Variants in PPCDC observed in about 807,000 individuals in gnomAD.
PPCDC encodes phosphopantothenoylcysteine decarboxylase.
In PPCDC, 20 loss-of-function variants were observed where a neutral mutation model predicts 20.7. The observed-to-expected ratio is 0.97, with a 90% CI of 0.68 to 1.41. PPCDC has a LOEUF of 1.41. PPCDC is among the 40% of genes most tolerant of loss of function. PPCDC has a pLI of 0.00. For synonymous variants in PPCDC, 88 were observed against 100.3 expected, an observed-to-expected ratio of 0.88 and a Z score of 0.73; for missense variants, 246 against 263.8, an observed-to-expected ratio of 0.93 and a Z score of 0.47.
intron 3 of PPCDC, 97 bp downstream of exon 3, chr15:75,043,633 C>A: frequency 1.8e-6 from 2 of 1,114,944 alleles, no homozygotes; most frequent in South Asian, 1.4e-5. Context: ...CTGGAACAGA[C>A]AGGCTGGGCT....
In PPCDC at chr15:75,028,491, C is replaced by G. The variant is rs758506478; in HGVS notation, c.135+38C>G. 1.9e-6 allele frequency: 3 copies of G among 1,612,890 alleles called. No homozygotes were observed. The South Asian group carries it at 3.3e-5, about 18-fold the overall frequency. On this transcript the variant is annotated intron_variant, in intron 2 of 5. Coordinates refer to ENST00000342932, the MANE Select transcript of PPCDC (RefSeq NM_021823.5). ...ACCAGATAAGCATGGCAGCCTCCGG[C>G]ATGGGAGGCCGGTGCTCCCGGGGAT... is the stretch of plus-strand genomic sequence containing the variant.
chr15:75,039,746 C>G (rs1347889200), intron 2 of PPCDC, among the ~76,000 whole-genome samples: 1 of 151,876 alleles, frequency 6.6e-6, no homozygotes, highest in Non-Finnish European at 1.5e-5. Context: ...CTGTTGGTTC[C>G]TCTTCTTTTT....
chr15:75,034,858 C>T (rs772162579), intron 2 of PPCDC, among the ~76,000 whole-genome samples: 2 of 152,184 alleles, frequency 1.3e-5, no homozygotes, highest in Non-Finnish European at 2.9e-5. Flanking sequence ...GCCTGCTCTC[C>T]AGCCACTCAG....
At chr15:75,045,581 G>A (rs1444710571) in intron 4 of PPCDC, among the ~76,000 whole-genome samples, 4 of 152,188 alleles carry the variant, frequency 2.6e-5, no homozygotes, top group Non-Finnish European at 5.9e-5. Context: ...ACAGATTAGT[G>A]TTCTTGTATA....
intron 2 of PPCDC, among the ~76,000 whole-genome samples, chr15:75,028,928 C>T (rs548597438): frequency 6.6e-6 from 1 of 152,290 alleles, no homozygotes; most frequent in South Asian, 2.1e-4. Flanking sequence ...TTGTCTGAAG[C>T]TCTAGGTTCA....
Position 75,039,462 on chromosome 15 carries a change from C to T in PPCDC, c.136-3979C>T, listed in dbSNP as rs150653132. On this transcript the variant is annotated intron_variant, in intron 2 of 5. Coordinates refer to ENST00000342932, the MANE Select transcript of PPCDC (RefSeq NM_021823.5). ...CTGCAAGGGTAGTATGTTTGGCTGC[C>T]TTGGGTGGGAAGAAGACCTGGGGGG... 3.9e-5 allele frequency among the ~76,000 whole-genome samples: 6 copies of T among 152,198 alleles called. No individual in the cohort carries two copies. The East Asian group carries it at 1.2e-3, about 29-fold the overall frequency.
chr15:75,029,661 G>A (rs1192396712), intron 2 of PPCDC, among the ~76,000 whole-genome samples: 1 of 152,124 alleles, frequency 6.6e-6, no homozygotes, highest in Non-Finnish European at 1.5e-5. Flanking sequence ...GAGTCTCGTG[G>A]CACTCTGACA....
chr15:75,026,724 G>C (rs988599387), intron 1 of PPCDC, among the ~76,000 whole-genome samples: 3 of 152,216 alleles, frequency 2.0e-5, no homozygotes, highest in Non-Finnish European at 4.4e-5. Flanking sequence ...TTGCCATGCT[G>C]ATTCTTTTTT....
intron 2 of PPCDC, among the ~76,000 whole-genome samples, chr15:75,039,365 G>A (rs2066124925): frequency 1.3e-5 from 2 of 152,152 alleles, no homozygotes; most frequent in Admixed American, 6.5e-5. Flanking sequence ...GGGGAAGCAG[G>A]CTTGGGTCTC....
intron 2 of PPCDC, among the ~76,000 whole-genome samples, chr15:75,031,902 G>A (rs2066026061): frequency 6.6e-6 from 1 of 152,024 alleles, no homozygotes; most frequent in Middle Eastern, 3.4e-3. Context: ...GAGGGTGAGG[G>A]GAGGAATTAT....
intron 2 of PPCDC, among the ~76,000 whole-genome samples, chr15:75,029,424 A>C (rs1177023081): frequency 6.6e-6 from 1 of 152,052 alleles, no homozygotes; most frequent in African/African-American, 2.4e-5. Flanking sequence ...TCAGCTGAGC[A>C]CCCAAGGTGC....
intron 2 of PPCDC, among the ~76,000 whole-genome samples, chr15:75,033,702 A>G (rs760340503): frequency 1.3e-5 from 2 of 151,154 alleles, no homozygotes; most frequent in Non-Finnish European, 2.9e-5. Context: ...CTGTGTCCTG[A>G]TGTGGAAACT....
chr15:75,048,825 T>A (rs1303615078), intron 5 of PPCDC, 104 bp downstream of exon 5: 3 of 1,365,236 alleles, frequency 2.2e-6, no homozygotes, highest in Non-Finnish European at 2.0e-6. Context: ...TAGCAAACCA[T>A]TCTCTGAGCT....
chr15:75,043,884 G>A (rs532096503), intron 3 of PPCDC, among the ~76,000 whole-genome samples: 4 of 152,272 alleles, frequency 2.6e-5, no homozygotes, highest in South Asian at 2.1e-4. Flanking sequence ...CACTTCCCAC[G>A]GCCGCCGGGC....
chr15:75,039,437 C>T (rs2141489298), intron 2 of PPCDC, among the ~76,000 whole-genome samples: 1 of 152,292 alleles, frequency 6.6e-6, no homozygotes, highest in East Asian at 1.9e-4. Context: ...TGTGCTAACT[C>T]TGCAAGGGTA....
chr15:75,038,598 AGCT>A (rs1185748509), intron 2 of PPCDC, among the ~76,000 whole-genome samples: 13 of 152,282 alleles, frequency 8.5e-5, no homozygotes, highest in African/African-American at 3.1e-4. Flanking sequence ...CCACCAGAAG[AGCT>A]GCTGTGGGCT....
At chr15:75,043,626 G>T in intron 3 of PPCDC, 90 bp downstream of exon 3, 3 of 1,168,190 alleles carry the variant, frequency 2.6e-6, no homozygotes, top group Non-Finnish European at 3.7e-6. Context: ...CTGGCAGCTG[G>T]AACAGACAGG....
Position 75,049,442 on chromosome 15 carries a change from C to T in PPCDC, c.*207C>T, listed in dbSNP as rs1214104747. On this transcript the variant is annotated 3_prime_UTR_variant, in exon 6 of 6. Coordinates refer to ENST00000342932, the MANE Select transcript of PPCDC (RefSeq NM_021823.5). ...TCTTTCAACCAGGAGAGGCCGCTGC[C>T]TAGAGCCCCTCCCCACCTTTTCCTG... 4 of 576,262 alleles carry T rather than the reference C, an allele frequency of 6.9e-6. No homozygotes were observed. The highest frequency in any genetic ancestry group is 1.2e-5 in the Non-Finnish European group (4 of 324,664). The allele number at this position is 576,262 out of a possible 1,614,324, so 35.7% of individuals were successfully genotyped here.
At chr15:75,024,548 T>G (rs984213602) in intron 1 of PPCDC, among the ~76,000 whole-genome samples, 2 of 152,030 alleles carry the variant, frequency 1.3e-5, no homozygotes, top group African/African-American at 4.8e-5. Flanking sequence ...AGAGACAGGG[T>G]CTCACCATGT....
Sources: gnomAD v4.1 joint callset for allele counts (sites outside exome capture counted in the v4.1 genomes callset) on GRCh38, gnomAD v4.1.1 for gene constraint, MANE v1.5 for transcripts, NCBI Gene and HGNC (gene_info 2026-07-23, HGNC 2026-07-21) for gene names.